Variants in PDLIM5 observed in about 807,000 individuals in gnomAD.
PDLIM5 encodes PDZ and LIM domain 5.
A neutral mutation model predicts 64.2 loss-of-function variants in PDLIM5; 34 were observed. The ratio of observed to expected loss-of-function variants is 0.53; its 90% CI spans 0.40 to 0.71. The LOEUF (loss-of-function observed/expected upper bound fraction) is 0.71. PDLIM5 is among the 30% of genes least tolerant of loss of function. The pLI is 0.00. For missense variants in PDLIM5, 683 were observed against 733.6 expected (o/e 0.93, Z 0.80); for synonymous variants, 253 against 269.1 (o/e 0.94, Z 0.59).
chr4:94,560,222 A>G (rs1327000778), intron 3 of PDLIM5, among the ~76,000 whole-genome samples: 3 of 152,170 alleles, frequency 2.0e-5, no homozygotes, highest in African/African-American at 7.2e-5. Context: ...TGGTGATTGA[A>G]CATGTAACTG....
intron 8 of PDLIM5, among the ~76,000 whole-genome samples, chr4:94,632,902 G>C (rs1007357960): frequency 6.6e-6 from 1 of 152,124 alleles, no homozygotes; most frequent in African/African-American, 2.4e-5. Flanking sequence ...TTTTGACCCA[G>C]TAATATCTGT....
intron 3 of PDLIM5, among the ~76,000 whole-genome samples, chr4:94,573,061 C>T (rs747817388): frequency 2.0e-5 from 3 of 152,138 alleles, no homozygotes; most frequent in Non-Finnish European, 2.9e-5. Flanking sequence ...CGATTAAACA[C>T]GGGTGCACTC....
rs201822081 is a variant in PDLIM5, at chr4:94,483,946, CTCT to C, written c.96+28567_96+28569del. Among the ~76,000 whole-genome samples the C allele has an allele frequency of 1.6e-3, 240 of 152,240 alleles. 4 individuals carry two copies. The East Asian group carries it at 0.039, about 25-fold the overall frequency. ...TACACTGATTTAATATTAATGTCTC[CTCT>C]TCTTTTTATTCCCTCCACTTACCTC... is the stretch of plus-strand genomic sequence containing the variant. On this transcript the variant is annotated intron_variant, in intron 2 of 12. Coordinates refer to ENST00000317968, the MANE Select transcript of PDLIM5 (RefSeq NM_006457.5).
intron 3 of PDLIM5, among the ~76,000 whole-genome samples, chr4:94,530,696 AT>A (rs1479077940): frequency 1.3e-5 from 2 of 152,082 alleles, no homozygotes; most frequent in African/African-American, 4.8e-5. Context: ...GTTTTGAAAA[AT>A]ATTGATGTAC....
intron 9 of PDLIM5, among the ~76,000 whole-genome samples, chr4:94,643,772 A>G (rs1199085515): frequency 6.6e-6 from 1 of 152,190 alleles, no homozygotes; most frequent in African/African-American, 2.4e-5. Flanking sequence ...TTTTAACATT[A>G]TTGATTTGTT....
chr4:94,625,050 A>G (rs942177462), intron 8 of PDLIM5, among the ~76,000 whole-genome samples: 3 of 152,224 alleles, frequency 2.0e-5, no homozygotes, highest in African/African-American at 7.2e-5. Context: ...TGCCCTGGGC[A>G]GTGGCAGTGT....
intron 10 of PDLIM5, among the ~76,000 whole-genome samples, chr4:94,655,538 C>T (rs1429907167): frequency 1.3e-5 from 2 of 152,082 alleles, no homozygotes; most frequent in African/African-American, 2.4e-5. Context: ...ATGTCTGAAA[C>T]GTTGAAGACA....
chr4:94,583,219 A>G (rs1462764194), intron 5 of PDLIM5, among the ~76,000 whole-genome samples: 3 of 152,138 alleles, frequency 2.0e-5, no homozygotes, highest in Admixed American at 6.5e-5. Context: ...GAAACTTTAT[A>G]TCATTTGACA....
At chr4:94,488,736 A>G (rs891520607) in intron 2 of PDLIM5, among the ~76,000 whole-genome samples, 3 of 152,250 alleles carry the variant, frequency 2.0e-5, no homozygotes, top group African/African-American at 7.2e-5. Context: ...ATCTTCAGCA[A>G]TGCCAGTTGC....
chr4:94,619,476 T>C (rs969800232), intron 8 of PDLIM5, among the ~76,000 whole-genome samples: 1 of 151,836 alleles, frequency 6.6e-6, no homozygotes, highest in African/African-American at 2.4e-5. Flanking sequence ...CTGTCTCTAC[T>C]AAAAACACAA....
At chr4:94,537,390 A>G (rs1043201024) in intron 3 of PDLIM5, among the ~76,000 whole-genome samples, 3 of 152,188 alleles carry the variant, frequency 2.0e-5, no homozygotes, top group Non-Finnish European at 4.4e-5. Flanking sequence ...ATGTTTTCTT[A>G]TCCTGAGAAT....
At chr4:94,646,392 C>T (rs184960575) in intron 9 of PDLIM5, among the ~76,000 whole-genome samples, 39 of 152,322 alleles carry the variant, frequency 2.6e-4, no homozygotes, top group African/African-American at 7.5e-4. Context: ...CATCTATACA[C>T]TAAGGGGAGA....
At chr4:94,627,418 TTC>T (rs1739787505) in intron 8 of PDLIM5, among the ~76,000 whole-genome samples, 1 of 152,246 alleles carries the variant, frequency 6.6e-6, no homozygotes. Flanking sequence ...CCCCATTTTC[TTC>T]TCTTTCTGAG....
intron 7 of PDLIM5, among the ~76,000 whole-genome samples, chr4:94,605,482 T>G (rs1202390484): frequency 6.6e-6 from 1 of 152,188 alleles, no homozygotes; most frequent in African/African-American, 2.4e-5. Context: ...TGAAAACTCA[T>G]TTAAGCAAGA....
At position 94,575,623 on chromosome 4, in the gene PDLIM5, C is replaced by A. The variant is rs369525076; in HGVS notation, c.299C>A (p.Pro100His). The A allele has an allele frequency of 1.3e-6, 2 of 1,560,650 alleles. No homozygotes were observed. Among genetic ancestry groups the A allele is most frequent in the African/African-American group, 2.7e-5 (2 of 73,538 alleles). ...PEPVPVQKGE[P>H]KEVVKPVPIT... Reference sequence around the variant, plus strand: ...TATTTTTGTTTTACATAGGGAGAACCTAAAGAAGTAGTTAAACCTGTGCCC... The same window carrying A: ...TATTTTTGTTTTACATAGGGAGAACATAAAGAAGTAGTTAAACCTGTGCCC... Residue 100 changes from proline to histidine, a missense_variant, in exon 5 of 13, where the codon CCT becomes CAT. Transcript: ENST00000317968.
At chr4:94,587,104 G>A in intron 7 of PDLIM5, 1 of 1,595,706 alleles carries the variant, frequency 6.3e-7, no homozygotes, top group South Asian at 1.2e-5. Flanking sequence ...TGCCCCCCAA[G>A]CAGCCAGCAC....
intron 2 of PDLIM5, among the ~76,000 whole-genome samples, chr4:94,458,479 GGTTTT>G (rs535165366): frequency 9.2e-5 from 14 of 151,892 alleles, no homozygotes; most frequent in Non-Finnish European, 1.8e-4. Context: ...ATACAGTTAT[GGTTTT>G]GTTTTGTTTT....
chr4:94,542,615 G>A (rs1186398569), intron 3 of PDLIM5, among the ~76,000 whole-genome samples: 3 of 152,082 alleles, frequency 2.0e-5, no homozygotes, highest in Admixed American at 1.3e-4. Flanking sequence ...AGAAATTGTT[G>A]TGCTTCAATA....
chr4:94,457,069 TAA>T, intron 2 of PDLIM5: 3 of 864,314 alleles, frequency 3.5e-6, no homozygotes, highest in Non-Finnish European at 4.2e-6. Flanking sequence ...TGTGTATGTA[TAA>T]ATATATATAC....
Sources: allele counts gnomAD v4.1 joint callset (sites outside exome capture counted in the v4.1 genomes callset), GRCh38; gene constraint gnomAD v4.1.1; transcripts MANE v1.5; gene names NCBI Gene and HGNC (gene_info 2026-07-23, HGNC 2026-07-21).